TTLL1: variants seen among roughly 807,000 people sequenced by gnomAD.
The protein encoded by TTLL1 is polyglutamylase complex subunit TTLL1.
TTLL1 carries 33 observed loss-of-function variants against 47.8 expected under a neutral mutation model. The observed-to-expected ratio is 0.69, with a 90% CI of 0.52 to 0.92. The LOEUF (loss-of-function observed/expected upper bound fraction) is 0.92. Among genes scored for constraint, TTLL1 ranks in the 40% least tolerant of loss-of-function variants. The pLI is 0.00. For missense variants in TTLL1, 488 were observed against 547.5 expected (o/e 0.89, Z 1.08); for synonymous variants, 225 against 214.1 (o/e 1.05, Z -0.45).
In TTLL1 at chr22:43,075,968, A is replaced by T. The variant is rs1057182217; in HGVS notation, c.-4-378T>A. 3.9e-5 allele frequency among the ~76,000 whole-genome samples: 6 copies of T among 152,230 alleles called. No homozygotes were observed. In the East Asian group the frequency reaches 1.2e-3, roughly 29 times the overall value. ...GGGAATGTTCAACTGCAAGTGTGCC[A>T]GGAGCCACAAAGGAGGGGCACATGG... On this transcript the variant is annotated intron_variant, in intron 2 of 10. Coordinates refer to ENST00000266254, the MANE Select transcript of TTLL1 (RefSeq NM_012263.5).
intron 1 of TTLL1, among the ~76,000 whole-genome samples, chr22:43,080,902 C>CTTTTTTTTT (rs10529079): frequency 0.013 from 898 of 69,224 alleles, 214 homozygotes; most frequent in Non-Finnish European, 0.018. Context: ...TGTTGCATGA[C>CTTTTTTTTT]TTTTTTTTTT....
chr22:43,066,174 TA>T (rs149083003), intron 5 of TTLL1, among the ~76,000 whole-genome samples: 20 of 143,250 alleles, frequency 1.4e-4, no homozygotes, highest in South Asian at 4.5e-4. Context: ...AAAAAAAAAT[TA>T]AAAAAAAAAT....
chr22:43,070,389 C>T (rs1003669006), intron 3 of TTLL1: 15 of 402,818 alleles, frequency 3.7e-5, no homozygotes, highest in African/African-American at 1.5e-4. Flanking sequence ...CCACGGTCTC[C>T]CCGCCACACG....
At position 43,084,626 on chromosome 22, in the gene TTLL1, C is replaced by A. The variant is rs1212957851; in HGVS notation, c.-89-4640G>T. Reference sequence around the variant, plus strand: ...ACGCCATTCTCCTGCCTCAGCCTCCCGAGTAGCCAGGACTACAGGCGCCCG... The same window carrying A: ...ACGCCATTCTCCTGCCTCAGCCTCCAGAGTAGCCAGGACTACAGGCGCCCG... On this transcript the variant is annotated intron_variant, in intron 1 of 10. Coordinates refer to ENST00000266254, the MANE Select transcript of TTLL1 (RefSeq NM_012263.5). 3.9e-5 allele frequency among the ~76,000 whole-genome samples: 6 copies of A among 151,964 alleles called. No homozygotes were observed. The East Asian group carries it at 9.7e-4, about 25-fold the overall frequency.
At position 43,069,840 on chromosome 22, in the gene TTLL1, T is replaced by G; in HGVS notation, c.118A>C (p.Ser40Arg). The change falls in exon 4 of 11, where the codon AGT becomes CGT. Residue 40 changes from serine (S) to arginine (R), a missense_variant. Physicochemically the swap from Ser to Arg is moderately radical, Grantham distance 110 (BLOSUM62 -1). Coordinates refer to ENST00000266254, the MANE Select transcript of TTLL1 (RefSeq NM_012263.5). ...AACACATTTCGGATGGTTTGCACACTCATCCTGAAAGAGATGAGCAGGAGA... is the reference window on the plus strand; with the variant it reads ...AACACATTTCGGATGGTTTGCACACGCATCCTGAAAGAGATGAGCAGGAGA... Reference protein sequence around the residue: ...ENEDWNFYWMSVQTIRNVFSV... With the variant: ...ENEDWNFYWMRVQTIRNVFSV... The G allele has an allele frequency of 6.2e-7, 1 of 1,614,086 alleles. No individual in the cohort carries two copies. Among genetic ancestry groups the G allele is most frequent in the Non-Finnish European group, 8.5e-7 (1 of 1,180,012 alleles).
chr22:43,085,018 A>C (rs1159091124), intron 1 of TTLL1, among the ~76,000 whole-genome samples: 1 of 130,420 alleles, frequency 7.7e-6, no homozygotes, highest in African/African-American at 3.1e-5. Flanking sequence ...CCCAGGCTGG[A>C]GTGCAGTGGC....
At chr22:43,083,381 A>C (rs895262821) in intron 1 of TTLL1, among the ~76,000 whole-genome samples, 2 of 151,796 alleles carry the variant, frequency 1.3e-5, no homozygotes, top group African/African-American at 4.8e-5. Flanking sequence ...ACAAACAGAC[A>C]AAAAACATAT....
intron 3 of TTLL1, 138 bp from the exon 4 acceptor site, chr22:43,069,982 G>A (rs1331758037): frequency 4.3e-6 from 6 of 1,391,170 alleles, no homozygotes; most frequent in Non-Finnish European, 5.8e-6. Flanking sequence ...TGAGCCAGGG[G>A]TTGCCCGGCC....
At chr22:43,069,889 T>G (rs1332671684) in intron 3 of TTLL1, 45 bp from the exon 4 acceptor site, 3 of 1,607,290 alleles carry the variant, frequency 1.9e-6, no homozygotes, top group South Asian at 1.1e-5. Flanking sequence ...GATGTCTGTG[T>G]GGCAGAAGTC....
At chr22:43,083,445 T>C (rs1218008611) in intron 1 of TTLL1, among the ~76,000 whole-genome samples, 5 of 152,076 alleles carry the variant, frequency 3.3e-5, no homozygotes, top group Middle Eastern at 3.2e-3. Flanking sequence ...AAAACAAACA[T>C]AGGCTGGCCA....
intron 7 of TTLL1, among the ~76,000 whole-genome samples, chr22:43,063,589 C>T (rs1601680289): frequency 1.3e-5 from 2 of 151,912 alleles, no homozygotes; most frequent in African/African-American, 2.4e-5. Flanking sequence ...CTCAGCCTCC[C>T]GAGTAGCTAG....
chr22:43,051,939 C>T (rs1339997455), intron 8 of TTLL1, 52 bp from the exon 9 acceptor site: 6 of 1,548,236 alleles, frequency 3.9e-6, no homozygotes, highest in South Asian at 3.3e-5. Flanking sequence ...AGGGCGCAGC[C>T]GAGACCAACG....
chr22:43,081,282 C>T lies in TTLL1; in HGVS notation c.-89-1296G>A, dbSNP rs149307807. 1.4e-3 allele frequency among the ~76,000 whole-genome samples: 214 copies of T among 152,200 alleles called. 1 individual carries two copies. Among genetic ancestry groups the T allele is most frequent in the African/African-American group, 5.0e-3 (206 of 41,516 alleles). ...AAGCCCCCCATCCATCCTGCCTGAC[C>T]TGAACATCTCCAGCACAAGCCCAGG... On this transcript the variant is annotated intron_variant, in intron 1 of 10. Coordinates refer to ENST00000266254, the MANE Select transcript of TTLL1 (RefSeq NM_012263.5).
Position 43,064,277 on chromosome 22 carries a change from A to C in TTLL1, c.551T>G (p.Ile184Ser), listed in dbSNP as rs780187524. The change falls in exon 6 of 11, where the codon ATT (isoleucine) becomes AGT (serine). Residue 184 changes from isoleucine to serine, a missense_variant. By Grantham distance (142) the Ile-to-Ser change is moderately radical. Coordinates refer to ENST00000266254, the MANE Select transcript of TTLL1 (RefSeq NM_012263.5). ...CCCGCCAATTAGTAACGGGTTGTTA[A>C]TATAGAGAGAGATCACGTAGGCTTC... ...NKEAYVISLY[I>S]NNPLLIGGRK... 1 of 1,614,166 alleles carries C rather than the reference A, an allele frequency of 6.2e-7. No homozygotes were observed. The highest frequency in any genetic ancestry group is 8.5e-7 in the Non-Finnish European group (1 of 1,180,034).
At chr22:43,082,435 G>A (rs548243723) in intron 1 of TTLL1, among the ~76,000 whole-genome samples, 8 of 152,230 alleles carry the variant, frequency 5.3e-5, no homozygotes, top group South Asian at 2.1e-4. Flanking sequence ...CAGACAGGGC[G>A]TGGGGCGTAG....
chr22:43,043,845 A>G (rs1314374198), intron 10 of TTLL1, among the ~76,000 whole-genome samples: 1 of 151,678 alleles, frequency 6.6e-6, no homozygotes, highest in Non-Finnish European at 1.5e-5. Context: ...CCTCCAGGTC[A>G]CCACCCCAGA....
intron 9 of TTLL1, among the ~76,000 whole-genome samples, chr22:43,049,837 T>C (rs1185299567): frequency 6.6e-6 from 1 of 150,962 alleles, no homozygotes; most frequent in African/African-American, 2.4e-5. Context: ...CTCACGCCTG[T>C]CATCCTAGCA....
At chr22:43,073,325 CTATTTATTTATT>C (rs72103212) in intron 3 of TTLL1, among the ~76,000 whole-genome samples, 4,057 of 142,674 alleles carry the variant, frequency 0.028, 177 homozygotes, top group African/African-American at 0.093. Flanking sequence ...TGCGCCCGGT[CTATTTATTTATT>C]TATTTATTTA....
chr22:43,048,087 G>A (rs1451196671), intron 9 of TTLL1, among the ~76,000 whole-genome samples: 1 of 152,096 alleles, frequency 6.6e-6, no homozygotes, highest in African/African-American at 2.4e-5. Flanking sequence ...GGACGCTGAG[G>A]CGGGTGGATC....
Sources: gnomAD v4.1 joint callset for allele counts (sites outside exome capture counted in the v4.1 genomes callset) on GRCh38, gnomAD v4.1.1 for gene constraint, MANE v1.5 for transcripts, NCBI Gene and HGNC (gene_info 2026-07-23, HGNC 2026-07-21) for gene names.